SORCS2: variants seen among roughly 807,000 people sequenced by gnomAD.
The protein encoded by SORCS2 is VPS10 domain-containing receptor SorCS2.
SORCS2 carries 100 observed loss-of-function variants against 141.6 expected under a neutral mutation model. The observed-to-expected ratio is 0.71, with a 90% confidence interval of 0.60 to 0.83. The LOEUF (loss-of-function observed/expected upper bound fraction) is 0.83. Among genes scored for constraint, SORCS2 ranks in the 40% least tolerant of loss-of-function variants. The pLI is 0.00. For synonymous variants in SORCS2, 789 were observed against 676.9 expected, an observed-to-expected ratio of 1.17 and a Z score of -2.57; for missense variants, 1,646 against 1,560.2, an observed-to-expected ratio of 1.05 and a Z score of -0.93.
chr4:7,319,178 A>AT (rs34043010), intron 1 of SORCS2, among the ~76,000 whole-genome samples: 85,854 of 151,254 alleles, frequency 0.57, 24,475 homozygotes, highest in South Asian at 0.72. Context: ...AATGAGGTGT[A>AT]TTTTTTTTTA....
chr4:7,405,160 C>A (rs1724889565), intron 2 of SORCS2, among the ~76,000 whole-genome samples: 1 of 152,032 alleles, frequency 6.6e-6, no homozygotes, highest in African/African-American at 2.4e-5. Flanking sequence ...AATGAGTTGG[C>A]TGTAAATACG....
intron 1 of SORCS2, among the ~76,000 whole-genome samples, chr4:7,370,011 A>G (rs897751695): frequency 6.6e-6 from 1 of 152,182 alleles, no homozygotes; most frequent in South Asian, 2.1e-4. Context: ...CCTCGATAAA[A>G]TAGAGATAAG....
chr4:7,461,458 G>C (rs1035959453), intron 2 of SORCS2, among the ~76,000 whole-genome samples: 1 of 152,254 alleles, frequency 6.6e-6, no homozygotes, highest in African/African-American at 2.4e-5. Flanking sequence ...CGTGTGATCA[G>C]TGGGGAAACC....
intron 2 of SORCS2, among the ~76,000 whole-genome samples, chr4:7,444,226 C>A (rs754988341): frequency 1.3e-5 from 2 of 152,172 alleles, no homozygotes; most frequent in African/African-American, 2.4e-5. Flanking sequence ...TTTGAGTTAA[C>A]AAAACAGACA....
At chr4:7,692,671 C>T (rs1560487498) in intron 11 of SORCS2, among the ~76,000 whole-genome samples, 1 of 152,018 alleles carries the variant, frequency 6.6e-6, no homozygotes, top group Non-Finnish European at 1.5e-5. Context: ...ATCCTGATGC[C>T]GAGTGTTCCT....
At chr4:7,385,202 T>G (rs12647804) in intron 1 of SORCS2, among the ~76,000 whole-genome samples, 25,011 of 152,172 alleles carry the variant, frequency 0.16, 2,161 homozygotes, top group Admixed American at 0.22. Flanking sequence ...AGCCAGCACC[T>G]CCTGTGGCTT....
chr4:7,352,947 C>T (rs1321080954), intron 1 of SORCS2, among the ~76,000 whole-genome samples: 1 of 152,210 alleles, frequency 6.6e-6, no homozygotes, highest in Non-Finnish European at 1.5e-5. Context: ...AGGGAGAAAT[C>T]ATGATGTACT....
At chr4:7,387,697 C>G (rs1176553297) in intron 1 of SORCS2, among the ~76,000 whole-genome samples, 1 of 122,686 alleles carries the variant, frequency 8.2e-6, no homozygotes, top group Non-Finnish European at 1.6e-5. Context: ...CAGAGATACA[C>G]ACGCACATGC....
At chr4:7,390,195 A>G (rs1383182813) in intron 1 of SORCS2, among the ~76,000 whole-genome samples, 3 of 152,186 alleles carry the variant, frequency 2.0e-5, no homozygotes, top group Non-Finnish European at 4.4e-5. Flanking sequence ...TTGGCAATCA[A>G]CACTAAGTTC....
chr4:7,692,604 T>G (rs1724325331), intron 11 of SORCS2, among the ~76,000 whole-genome samples: 3 of 152,108 alleles, frequency 2.0e-5, no homozygotes. Context: ...GAGCTAAGAC[T>G]CAGCTGCTCG....
At chr4:7,261,756 C>G (rs1028076177) in intron 1 of SORCS2, among the ~76,000 whole-genome samples, 1 of 152,214 alleles carries the variant, frequency 6.6e-6, no homozygotes, top group Non-Finnish European at 1.5e-5. Flanking sequence ...ACCGGCCTTT[C>G]CACCAACATT....
chr4:7,437,225 C>A (rs888250564), intron 2 of SORCS2, among the ~76,000 whole-genome samples: 1 of 152,180 alleles, frequency 6.6e-6, no homozygotes, highest in Admixed American at 6.5e-5. Context: ...GGTCCTGAGA[C>A]CCCCTCCTCG....
At chr4:7,527,309 A>G (rs112268206) in intron 2 of SORCS2, among the ~76,000 whole-genome samples, 7 of 152,358 alleles carry the variant, frequency 4.6e-5, no homozygotes, top group African/African-American at 1.2e-4. Context: ...GACTTTGCAG[A>G]TGGATTAAAT....
chr4:7,382,805 A>G (rs902132830), intron 1 of SORCS2, among the ~76,000 whole-genome samples: 7 of 151,962 alleles, frequency 4.6e-5, no homozygotes, highest in Admixed American at 2.0e-4. Context: ...AGAACTGGGG[A>G]CGGTGGGTGT....
chr4:7,248,334 C>T (rs1400803049), intron 1 of SORCS2, among the ~76,000 whole-genome samples: 3 of 69,346 alleles, frequency 4.3e-5, no homozygotes, highest in East Asian at 5.5e-4. Context: ...TACAGGTCAC[C>T]GTGGGGGGGC....
chr4:7,500,133 C>A (rs535867689), intron 2 of SORCS2, among the ~76,000 whole-genome samples: 44 of 152,324 alleles, frequency 2.9e-4, no homozygotes, highest in African/African-American at 1.1e-3. Context: ...CACTCACCAT[C>A]ACCCGGAGCA....
chr4:7,325,158 G>T (rs1356313564), intron 1 of SORCS2, among the ~76,000 whole-genome samples: 3 of 152,228 alleles, frequency 2.0e-5, no homozygotes, highest in Non-Finnish European at 4.4e-5. Context: ...GGCCCCATCT[G>T]CAGATGAGGA....
chr4:7,426,390 G>A (rs73086323), intron 2 of SORCS2, among the ~76,000 whole-genome samples: 121 of 151,168 alleles, frequency 8.0e-4, no homozygotes, highest in African/African-American at 2.8e-3. Flanking sequence ...ACACTGCCCC[G>A]CTGAGGGTGG....
At chr4:7,592,160 A>C (rs1716963404) in intron 3 of SORCS2, among the ~76,000 whole-genome samples, 1 of 152,076 alleles carries the variant, frequency 6.6e-6, no homozygotes. Context: ...ATTTTATTCA[A>C]GTCTCTGTTG....
Sources: allele counts gnomAD v4.1 joint callset (sites outside exome capture counted in the v4.1 genomes callset), GRCh38; gene constraint gnomAD v4.1.1; transcripts MANE v1.5; gene names NCBI Gene and HGNC (gene_info 2026-07-23, HGNC 2026-07-21).